PRKD1: variants seen among roughly 807,000 people sequenced by gnomAD.
PRKD1 encodes protein kinase D1, also known as serine/threonine-protein kinase D1.
PRKD1 carries 63 observed loss-of-function variants against 95.9 expected under a neutral mutation model. The ratio of observed to expected loss-of-function variants is 0.66; its 90% confidence interval spans 0.54 to 0.81. The LOEUF (loss-of-function observed/expected upper bound fraction) is 0.81. PRKD1 is among the 30% of genes least tolerant of loss of function. PRKD1 has a pLI of 0.00. For synonymous variants in PRKD1, 425 were observed against 423.1 expected, an observed-to-expected ratio of 1.00 and a Z score of -0.05; for missense variants, 1,048 against 1,165.3, an observed-to-expected ratio of 0.90 and a Z score of 1.47.
chr14:29,817,788 T>C (rs144539705), intron 1 of PRKD1, among the ~76,000 whole-genome samples: 1 of 152,118 alleles, frequency 6.6e-6, no homozygotes, highest in African/African-American at 2.4e-5. Context: ...ATTCTTCTTA[T>C]AAATTCCACC....
intron 1 of PRKD1, among the ~76,000 whole-genome samples, chr14:29,791,365 T>C (rs1325787980): frequency 2.0e-5 from 3 of 152,188 alleles, no homozygotes; most frequent in Non-Finnish European, 2.9e-5. Context: ...AAGTAGGCAA[T>C]TTGATAAACT....
Position 29,801,443 on chromosome 14 carries a change from T to C in PRKD1, c.265-75769A>G, listed in dbSNP as rs1890023577. Among the ~76,000 whole-genome samples the C allele has an allele frequency of 2.6e-5, 4 of 152,266 alleles. No individual in the cohort carries two copies. The East Asian group carries it at 5.8e-4, about 22-fold the overall frequency. On this transcript the variant is annotated intron_variant, in intron 1 of 17. Coordinates refer to ENST00000331968, the MANE Select transcript of PRKD1 (RefSeq NM_002742.3). ...ACGATAAAGTTGCCTCCAATGAACA[T>C]GAATAAGCAGTAGGGAAAAAGAACC...
At chr14:29,648,419 T>A (rs1881273500) in intron 4 of PRKD1, among the ~76,000 whole-genome samples, 2 of 152,134 alleles carry the variant, frequency 1.3e-5, no homozygotes. Flanking sequence ...CTGGATACTT[T>A]TGATTAATAG....
chr14:29,787,215 G>GTT (rs34161174), intron 1 of PRKD1, among the ~76,000 whole-genome samples: 3,495 of 84,714 alleles, frequency 0.041, 67 homozygotes, highest in East Asian at 0.11. Flanking sequence ...TTTGTTCAGT[G>GTT]TTTTTTTTTT....
At chr14:29,787,935 T>G (rs1177603041) in intron 1 of PRKD1, among the ~76,000 whole-genome samples, 1 of 152,204 alleles carries the variant, frequency 6.6e-6, no homozygotes, top group Non-Finnish European at 1.5e-5. Context: ...ATTGTTTATC[T>G]TTACAAATTG....
At chr14:29,674,863 G>T (rs948369860) in intron 2 of PRKD1, among the ~76,000 whole-genome samples, 4 of 152,206 alleles carry the variant, frequency 2.6e-5, no homozygotes, top group African/African-American at 9.7e-5. Flanking sequence ...TACATTTGCA[G>T]CTAGAGACAC....
At chr14:29,669,697 A>C (rs1018297577) in intron 2 of PRKD1, among the ~76,000 whole-genome samples, 4 of 152,070 alleles carry the variant, frequency 2.6e-5, no homozygotes, top group African/African-American at 9.7e-5. Flanking sequence ...GTAAAACCCT[A>C]TCTCTACTAA....
chr14:29,633,205 A>G (rs966986165), intron 8 of PRKD1, among the ~76,000 whole-genome samples: 6 of 152,200 alleles, frequency 3.9e-5, no homozygotes, highest in Non-Finnish European at 8.8e-5. Context: ...AGAGCCTGGC[A>G]TTTAGAAAGT....
At chr14:29,867,032 C>A (rs949886140) in intron 1 of PRKD1, among the ~76,000 whole-genome samples, 3 of 152,124 alleles carry the variant, frequency 2.0e-5, no homozygotes, top group African/African-American at 7.2e-5. Flanking sequence ...CTGCTGGACA[C>A]TTATAATTTT....
intron 1 of PRKD1, among the ~76,000 whole-genome samples, chr14:29,739,514 T>C (rs8018976): frequency 0.017 from 2,633 of 152,304 alleles, 95 homozygotes; most frequent in Admixed American, 0.086. Flanking sequence ...TGGGAAAAGA[T>C]ATCTAAGACA....
intron 1 of PRKD1, among the ~76,000 whole-genome samples, chr14:29,815,704 A>G (rs1356130611): frequency 6.6e-6 from 1 of 152,238 alleles, no homozygotes; most frequent in Non-Finnish European, 1.5e-5. Flanking sequence ...AAGTAGATGC[A>G]TAGTCCATGA....
intron 2 of PRKD1, among the ~76,000 whole-genome samples, chr14:29,694,703 G>A (rs1884417615): frequency 6.6e-6 from 1 of 152,168 alleles, no homozygotes; most frequent in Non-Finnish European, 1.5e-5. Flanking sequence ...AAGTATCAGG[G>A]ACTCTTAGAC....
At chr14:29,611,070 T>C (rs1247608607) in intron 13 of PRKD1, among the ~76,000 whole-genome samples, 1 of 152,248 alleles carries the variant, frequency 6.6e-6, no homozygotes, top group East Asian at 1.9e-4. Flanking sequence ...ATATGATGGA[T>C]ACATGTAATT....
At chr14:29,873,717 G>C (rs2139382345) in intron 1 of PRKD1, among the ~76,000 whole-genome samples, 1 of 152,098 alleles carries the variant, frequency 6.6e-6, no homozygotes, top group African/African-American at 2.4e-5. Context: ...ACCCATCCCA[G>C]AAATGGGCAA....
intron 1 of PRKD1, among the ~76,000 whole-genome samples, chr14:29,741,165 G>A (rs960492915): frequency 3.3e-5 from 5 of 152,058 alleles, no homozygotes; most frequent in Non-Finnish European, 7.4e-5. Context: ...TAGGTACTAG[G>A]CTTAGTACCT....
At chr14:29,861,820 T>C (rs977960502) in intron 1 of PRKD1, among the ~76,000 whole-genome samples, 1 of 152,076 alleles carries the variant, frequency 6.6e-6, no homozygotes, top group African/African-American at 2.4e-5. Flanking sequence ...ACCCAGCTAA[T>C]TTTTTTGTAT....
chr14:29,609,212 G>A (rs1878245345), intron 13 of PRKD1, among the ~76,000 whole-genome samples: 1 of 152,010 alleles, frequency 6.6e-6, no homozygotes, highest in African/African-American at 2.4e-5. Flanking sequence ...ATTTATCCTG[G>A]TTTAATATAG....
intron 16 of PRKD1, among the ~76,000 whole-genome samples, chr14:29,594,519 C>T (rs1338575484): frequency 1.3e-5 from 2 of 152,126 alleles, no homozygotes; most frequent in Non-Finnish European, 2.9e-5. Flanking sequence ...AATCATTTCC[C>T]ATTTTACAGA....
At chr14:29,721,675 TA>T (rs879263218) in intron 2 of PRKD1, among the ~76,000 whole-genome samples, 161 of 145,674 alleles carry the variant, frequency 1.1e-3, no homozygotes, top group Admixed American at 1.2e-3. Context: ...TTCACTCTGG[TA>T]AAAAAAAAAA....
Sources: allele counts gnomAD v4.1 joint callset (sites outside exome capture counted in the v4.1 genomes callset), GRCh38; gene constraint gnomAD v4.1.1; transcripts MANE v1.5; gene names NCBI Gene and HGNC (gene_info 2026-07-23, HGNC 2026-07-21).